Variants in FGF13 observed in about 807,000 individuals in gnomAD.
FGF13 encodes fibroblast growth factor homologous factor 2.
Under a neutral mutation model 19.5 loss-of-function variants are expected in FGF13, and 2 were observed. The observed-to-expected ratio is 0.10, with a 90% CI of 0.04 to 0.32. FGF13 has a LOEUF of 0.32. FGF13 is among the 10% of genes least tolerant of loss of function. The probability of loss-of-function intolerance (pLI) is 1.00; values close to 1 mark genes in which losing one functional copy is unlikely to be tolerated. For missense variants in FGF13, 113 were observed against 192.7 expected, an observed-to-expected ratio of 0.59 and a Z score of 2.45; for synonymous variants, 72 against 76.9, an observed-to-expected ratio of 0.94 and a Z score of 0.33.
intron 1 of FGF13, among the ~76,000 whole-genome samples, chrX:139,058,788 A>G (rs1204743708): frequency 9.0e-6 from 1 of 111,187 alleles, no homozygotes; most frequent in East Asian, 2.8e-4. Context: ...TACATAATTC[A>G]GCCATGCTCT....
intron 1 of FGF13, among the ~76,000 whole-genome samples, chrX:139,037,531 C>T (rs938652590): frequency 6.3e-5 from 7 of 111,371 alleles, no homozygotes; most frequent in East Asian, 5.7e-4. Context: ...ACAATCAAGG[C>T]GTTAGCAGTC....
intron 1 of FGF13, among the ~76,000 whole-genome samples, chrX:139,176,697 G>A (rs1468668153): frequency 9.0e-6 from 1 of 111,390 alleles, no homozygotes. Context: ...TCAGGAGCAG[G>A]TTGTTCAGTT....
At position 138,720,442 on chromosome X, in the gene FGF13, T is replaced by C. The variant is rs1053997344; in HGVS notation, c.29-11514A>G. Reference sequence around the variant, plus strand: ...CTAATGCATTCATTAGTGTAGGGAGTGGTGGAGTCAGAATTTAAATTTGTG... The same window carrying C: ...CTAATGCATTCATTAGTGTAGGGAGCGGTGGAGTCAGAATTTAAATTTGTG... On this transcript the variant is annotated intron_variant, in intron 1 of 4. Transcript: ENST00000305414. 4.6e-5 allele frequency among the ~76,000 whole-genome samples: 5 copies of C among 109,876 alleles called. No homozygotes were observed. The East Asian group carries it at 1.4e-3, about 32-fold the overall frequency.
intron 3 of FGF13, among the ~76,000 whole-genome samples, chrX:138,644,450 G>T (rs2124115177): frequency 9.1e-6 from 1 of 110,352 alleles, no homozygotes; most frequent in South Asian, 4.0e-4. Flanking sequence ...GCTAATTTTT[G>T]TATTTTTTTA....
chrX:138,979,383 T>C (rs1400137988), intron 1 of FGF13, among the ~76,000 whole-genome samples: 1 of 110,091 alleles, frequency 9.1e-6, no homozygotes, highest in Admixed American at 9.7e-5. Flanking sequence ...AAGGGAGGAG[T>C]AGATAAGATC....
At chrX:139,154,473 C>T (rs1018002531) in intron 1 of FGF13, among the ~76,000 whole-genome samples, 2 of 111,798 alleles carry the variant, frequency 1.8e-5, no homozygotes, top group Non-Finnish European at 3.8e-5. Context: ...AACATAACCA[C>T]GGAAGCAATA....
intron 1 of FGF13, among the ~76,000 whole-genome samples, chrX:139,128,287 C>T (rs1234274395): frequency 3.6e-5 from 4 of 111,383 alleles, no homozygotes; most frequent in Admixed American, 9.6e-5. Context: ...TTCCTAAAGG[C>T]CTGGATACCT....
Position 138,631,280 on chromosome X carries a change from C to T in FGF13, c.*1570G>A, listed in dbSNP as rs775718875. ...TCCCTCTAGAGAGGAGAGAAATAAG[C>T]AACAGAGAGGGGAAATGACACTGTG... On this transcript the variant is annotated 3_prime_UTR_variant, in exon 5 of 5. Coordinates refer to ENST00000315930, the MANE Select transcript of FGF13 (RefSeq NM_004114.5). The T allele has an allele frequency of 1.8e-5, 2 of 112,127 alleles. No homozygotes were observed. Among genetic ancestry groups the T allele is most frequent in the South Asian group, 3.7e-4 (1 of 2,696 alleles). 9.2% of individuals were successfully genotyped at this position (112,127 alleles called of 1,213,427 possible).
intron 1 of FGF13, among the ~76,000 whole-genome samples, chrX:139,007,261 T>C (rs1446191169): frequency 1.8e-5 from 2 of 111,231 alleles, no homozygotes. Flanking sequence ...AGAAAGTCAC[T>C]GTATAATGAT....
chrX:139,122,207 G>T (rs1200647897), intron 1 of FGF13, among the ~76,000 whole-genome samples: 1 of 111,944 alleles, frequency 8.9e-6, no homozygotes, highest in Non-Finnish European at 1.9e-5. Flanking sequence ...CAAAGCATCA[G>T]AATACAGAAA....
rs185726443 is a variant in FGF13, at chrX:138,709,237, G to A, written c.188-309C>T. ...GAGTATTTGTAATGGGTTGGCAAAT[G>A]GCTATTCTGCCTTTTGAAATTGTGC... On this transcript the variant is annotated intron_variant, in intron 1 of 4. Coordinates refer to ENST00000315930, the MANE Select transcript of FGF13 (RefSeq NM_004114.5). 9.8e-4 allele frequency among the ~76,000 whole-genome samples: 110 copies of A among 112,319 alleles called. 2 individuals carry two copies. The highest frequency in any genetic ancestry group is 3.5e-3 in the African/African-American group (108 of 30,939).
At chrX:138,976,117 C>G (rs1419963275) in intron 1 of FGF13, among the ~76,000 whole-genome samples, 2 of 111,710 alleles carry the variant, frequency 1.8e-5, no homozygotes, top group East Asian at 2.8e-4. Context: ...ATGCGCTGGA[C>G]TCGGGAATGC....
intron 3 of FGF13, among the ~76,000 whole-genome samples, chrX:138,679,666 T>C (rs1218952301): frequency 8.9e-6 from 1 of 112,394 alleles, no homozygotes; most frequent in Non-Finnish European, 1.9e-5. Flanking sequence ...TTAAAAATAT[T>C]TCATTGTTAA....
intron 1 of FGF13, among the ~76,000 whole-genome samples, chrX:138,934,611 C>T (rs1489952897): frequency 8.9e-6 from 1 of 112,416 alleles, no homozygotes; most frequent in Non-Finnish European, 1.9e-5. Context: ...TGAAAATAAA[C>T]GAGATGAAAT....
chrX:138,690,890 T>C (rs1217712169), intron 3 of FGF13, among the ~76,000 whole-genome samples: 3 of 111,420 alleles, frequency 2.7e-5, no homozygotes, highest in Non-Finnish European at 5.7e-5. Context: ...CAATTACAGA[T>C]CTGAATTTGG....
At chrX:138,886,099 C>T (rs997980240) in intron 1 of FGF13, among the ~76,000 whole-genome samples, 7 of 111,831 alleles carry the variant, frequency 6.3e-5, no homozygotes, top group African/African-American at 2.3e-4. Flanking sequence ...AATGAAAATA[C>T]TTAAAGCTAC....
chrX:138,814,377 C>T (rs2090947679), intron 3 of FGF13, among the ~76,000 whole-genome samples: 1 of 110,058 alleles, frequency 9.1e-6, no homozygotes, highest in Non-Finnish European at 1.9e-5. Flanking sequence ...AACTAAATAG[C>T]TTCTGCACAG....
rs1360651861 is a variant in FGF13, at chrX:138,616,756, C to A, written c.*16094G>T. On this transcript the variant is annotated 3_prime_UTR_variant, in exon 5 of 5. Transcript: ENST00000315930. Reference sequence around the variant, plus strand: ...GGACATCCAGGCATTTCCATACATCCTCTGAAATCTAGGCAGAGGTTCCCA... The same window carrying A: ...GGACATCCAGGCATTTCCATACATCATCTGAAATCTAGGCAGAGGTTCCCA... The A allele has an allele frequency of 8.9e-6, 1 of 112,447 alleles. No individual in the cohort carries two copies. Among genetic ancestry groups the A allele is most frequent in the African/African-American group, 3.2e-5 (1 of 30,955 alleles). The allele number at this position is 112,447 out of a possible 1,213,427, so 9.3% of individuals were successfully genotyped here. A position where few individuals can be genotyped will look rare whatever the true frequency, so the allele number is the denominator to read the frequency against.
chrX:139,133,970 G>A (rs772791743), intron 1 of FGF13, among the ~76,000 whole-genome samples: 11 of 111,386 alleles, frequency 9.9e-5, no homozygotes, highest in Middle Eastern at 9.3e-3. Flanking sequence ...TAAGTCTATC[G>A]ATCAGGCCAC....
Sources: gnomAD v4.1 joint callset for allele counts (sites outside exome capture counted in the v4.1 genomes callset) on GRCh38, gnomAD v4.1.1 for gene constraint, MANE v1.5 for transcripts, NCBI Gene and HGNC (gene_info 2026-07-23, HGNC 2026-07-21) for gene names.